Variants in COX4I2 observed in about 807,000 individuals in gnomAD.
COX4I2 encodes the protein cytochrome c oxidase subunit 4I2, also known as cytochrome c oxidase subunit 4 isoform 2, mitochondrial.
Under a neutral mutation model 20.8 loss-of-function variants are expected in COX4I2, and 15 were observed. The observed-to-expected ratio is 0.72, with a 90% CI of 0.48 to 1.11. COX4I2 has a LOEUF of 1.11. Ranked by LOEUF, COX4I2 falls within the 50% of genes most tolerant of loss-of-function variation. COX4I2 has a pLI of 0.00. For synonymous variants in COX4I2, 80 were observed against 78.1 expected (o/e 1.02, Z -0.13); for missense variants, 224 against 223.0 (o/e 1.00, Z -0.03).
intron 3 of COX4I2, among the ~76,000 whole-genome samples, chr20:31,642,148 A>G (rs2060471576): frequency 6.6e-6 from 1 of 151,794 alleles, no homozygotes; most frequent in East Asian, 2.0e-4. Context: ...CCATCATGCC[A>G]GGCCAAATGC....
intron 4 of COX4I2, among the ~76,000 whole-genome samples, chr20:31,643,999 CAG>C (rs1250101201): frequency 6.6e-6 from 1 of 152,128 alleles, no homozygotes; most frequent in Non-Finnish European, 1.5e-5. Context: ...TTAGTAGAGA[CAG>C]GGTTTCGCCA....
Position 31,644,795 on chromosome 20 carries a change from C to A in COX4I2, c.407C>A (p.Thr136Lys), listed in dbSNP as rs201685557. The A allele has an allele frequency of 7.1e-5, 114 of 1,613,982 alleles. No homozygotes were observed. The highest frequency in any genetic ancestry group is 9.4e-5 in the Non-Finnish European group (111 of 1,179,998). ...TTTCCTCCAAAGCCGATCACCTTGA[C>A]GGACGAGCGGAAAGCCCAGCAGCTG... ...YVFPPKPITL[T>K]DERKAQQLQR... Residue 136 changes from threonine to lysine, a missense_variant, in exon 5 of 5, where the codon ACG becomes AAG. Thr to Lys is a moderately conservative substitution (Grantham distance 78, BLOSUM62 -1). Coordinates refer to ENST00000376075, the MANE Select transcript of COX4I2 (RefSeq NM_032609.3).
rs751781798 is a variant in COX4I2 at position 31,640,017 on chromosome 20, A to C, written c.167A>C (p.Glu56Ala). ...ATGCCAGAAGAGCCCTTCTGCACAGAACTCAACGCTGAGGAGCAGGCCCTG... is the reference window on the plus strand; with the variant it reads ...ATGCCAGAAGAGCCCTTCTGCACAGCACTCAACGCTGAGGAGCAGGCCCTG... Reference protein sequence around the residue: ...YPMPEEPFCTELNAEEQALKE... With the variant: ...YPMPEEPFCTALNAEEQALKE... The change falls in exon 3 of 5, where the codon GAA (glutamate) becomes GCA (alanine). Residue 56 changes from glutamate (E) to alanine (A), a missense_variant. Transcript: ENST00000376075. 5.0e-5 allele frequency: 81 copies of C among 1,613,846 alleles called. No homozygotes were observed. The highest frequency in any genetic ancestry group is 6.6e-5 in the Non-Finnish European group (78 of 1,180,012).
intron 3 of COX4I2, among the ~76,000 whole-genome samples, chr20:31,642,860 G>A (rs1568833799): frequency 6.6e-6 from 1 of 152,130 alleles, no homozygotes; most frequent in Admixed American, 6.6e-5. Context: ...AGGATTACAG[G>A]CATGAGCCAC....
chr20:31,639,624 G>A (rs549897923), intron 2 of COX4I2, among the ~76,000 whole-genome samples: 3 of 148,954 alleles, frequency 2.0e-5, no homozygotes, highest in African/African-American at 7.5e-5. Context: ...GTGGCGCAAT[G>A]TCGGCTCACT....
At chr20:31,642,423 G>A (rs964507763) in intron 3 of COX4I2, among the ~76,000 whole-genome samples, 2 of 147,946 alleles carry the variant, frequency 1.4e-5, no homozygotes, top group Non-Finnish European at 3.0e-5. Flanking sequence ...GATTACACAC[G>A]TAGGGTAATT....
intron 2 of COX4I2, among the ~76,000 whole-genome samples, chr20:31,639,479 G>A (rs2060454061): frequency 1.3e-5 from 2 of 151,988 alleles, no homozygotes; most frequent in Admixed American, 1.3e-4. Context: ...GATAGCAGAA[G>A]GGCCTTGCTG....
At position 31,644,718 on chromosome 20, in the gene COX4I2, G is replaced by A. The variant is rs766542600; in HGVS notation, c.380-50G>A. The A allele has an allele frequency of 2.2e-5, 35 of 1,611,640 alleles. No individual in the cohort carries two copies. In the Middle Eastern group the frequency reaches 9.9e-4, roughly 46 times the overall value. Reference sequence around the variant, plus strand: ...TACAGGGTGGCTGGAGACCCTGGCTGGTGTAGGAAGACTGGCAGGATCCTG... The same window carrying A: ...TACAGGGTGGCTGGAGACCCTGGCTAGTGTAGGAAGACTGGCAGGATCCTG... On this transcript the variant is annotated intron_variant, in intron 4 of 4. Transcript: ENST00000376075.
At chr20:31,644,139 C>T (rs1287637616) in intron 4 of COX4I2, among the ~76,000 whole-genome samples, 1 of 152,188 alleles carries the variant, frequency 6.6e-6, no homozygotes, top group East Asian at 1.9e-4. Context: ...AAAGTGAACA[C>T]TCTTACCTAC....
intron 3 of COX4I2, 64 bp downstream of exon 3, chr20:31,640,161 C>A: frequency 6.6e-7 from 1 of 1,524,000 alleles, no homozygotes; most frequent in Non-Finnish European, 8.8e-7. Context: ...AAAGAATGGC[C>A]TGTCAGGGAT....
rs1388183111 is a variant in COX4I2 at position 31,644,793 on chromosome 20, G to T, written c.405G>T (p.Leu135Phe). The change falls in exon 5 of 5, where the codon TTG (leucine) becomes TTT (phenylalanine). Residue 135 changes from leucine to phenylalanine, a missense_variant. Leu to Phe is a conservative substitution (Grantham distance 22, BLOSUM62 0). Coordinates refer to ENST00000376075, the MANE Select transcript of COX4I2 (RefSeq NM_032609.3). The stretch of plus-strand genomic sequence containing the variant: ...TATTTCCTCCAAAGCCGATCACCTT[G>T]ACGGACGAGCGGAAAGCCCAGCAGC... ...VYVFPPKPIT[L>F]TDERKAQQLQ... The T allele has an allele frequency of 6.2e-7, 1 of 1,614,010 alleles. No homozygotes were observed. The highest frequency in any genetic ancestry group is 8.5e-7 in the Non-Finnish European group (1 of 1,180,030).
In COX4I2 at chr20:31,640,073, C is replaced by G; in HGVS notation, c.223C>G (p.Leu75Val). The part of the protein sequence containing the change: ...KEKEKGSWTQ[L>V]THAEKVALYR... ...GAAGGAGAAGGGAAGCTGGACCCAGCTGACCCACGCCGAAAAGGTGGCCTG... is the reference window on the plus strand; with the variant it reads ...GAAGGAGAAGGGAAGCTGGACCCAGGTGACCCACGCCGAAAAGGTGGCCTG... The change falls in exon 3 of 5, where the codon CTG becomes GTG. Residue 75 changes from leucine (L) to valine (V), a missense_variant. By Grantham distance (32) the Leu-to-Val change is conservative (BLOSUM62 1). Transcript: ENST00000376075. 6.2e-7 allele frequency: 1 copy of G among 1,612,202 alleles called. No homozygotes were observed.
chr20:31,644,935 C>T lies in COX4I2; in HGVS notation c.*31C>T, dbSNP rs181681154. The stretch of plus-strand genomic sequence containing the variant: ...ATCCCCAGCTGTCTCCCTGAGGCTC[C>T]GCCCTGGCTGGGAGCCTCTGGCGGC... On this transcript the variant is annotated 3_prime_UTR_variant, in exon 5 of 5. Transcript: ENST00000376075. 8.0e-4 allele frequency: 1,285 copies of T among 1,609,964 alleles called. 20 individuals carry two copies. The South Asian group carries it at 8.6e-3, about 11-fold the overall frequency.
intron 2 of COX4I2, among the ~76,000 whole-genome samples, chr20:31,639,565 T>C (rs904666462): frequency 4.0e-5 from 6 of 150,514 alleles, no homozygotes; most frequent in Admixed American, 1.3e-4. Flanking sequence ...CTCCTTTTTT[T>C]TTTTTTTTGA....
intron 3 of COX4I2, 101 bp downstream of exon 3, chr20:31,640,198 C>T: frequency 1.6e-6 from 2 of 1,280,578 alleles, no homozygotes; most frequent in African/African-American, 1.5e-5. Flanking sequence ...GCCCCCAAGA[C>T]AGCCAGAAAC....
In COX4I2 at chr20:31,639,044, G is replaced by T. The variant is rs2060451806; in HGVS notation, c.27G>T (p.Leu9Phe). Residue 9 changes from leucine to phenylalanine, a missense_variant, in exon 2 of 5, where the codon TTG (leucine) becomes TTT (phenylalanine). By Grantham distance (22) the Leu-to-Phe change is conservative. Transcript: ENST00000376075. ...TGCTCCCCAGAGCTGCCTGGAGCTT[G>T]GTGCTGAGGAAAGGTGGAGGTGGAA... The part of the protein sequence containing the change: MLPRAAWS[L>F]VLRKGGGGRR... The T allele has an allele frequency of 6.2e-7, 1 of 1,612,396 alleles. No homozygotes were observed. The highest frequency in any genetic ancestry group is 8.5e-7 in the Non-Finnish European group (1 of 1,179,450).
At position 31,644,873 on chromosome 20, in the gene COX4I2, G is replaced by T. The variant is rs775892036; in HGVS notation, c.485G>T (p.Trp162Leu). ...VNPVQGLASR[W>L]DYEKKQWKK is the part of the protein sequence containing the mutation. ...CCTGTGCAGGGCCTGGCCTCCCGCT[G>T]GGACTATGAGAAGAAGCAGTGGAAG... is the stretch of plus-strand genomic sequence containing the variant. Residue 162 changes from tryptophan (W) to leucine (L), a missense_variant, in exon 5 of 5, where the codon TGG (tryptophan) becomes TTG (leucine). Physicochemically the swap from Trp to Leu is moderately conservative, Grantham distance 61 (BLOSUM62 -2). Coordinates refer to ENST00000376075, the MANE Select transcript of COX4I2 (RefSeq NM_032609.3). The T allele has an allele frequency of 1.9e-6, 3 of 1,613,938 alleles. No individual in the cohort carries two copies. The Admixed American group carries it at 5.0e-5, about 27-fold the overall frequency.
intron 2 of COX4I2, among the ~76,000 whole-genome samples, chr20:31,639,719 G>A (rs552213227): frequency 5.3e-5 from 8 of 151,922 alleles, no homozygotes; most frequent in East Asian, 1.9e-4. Context: ...CACTGCGCCC[G>A]GCTAATTTTT....
rs6088864 is a variant in COX4I2, at chr20:31,640,354, G to A, written c.247+257G>A. 0.27 allele frequency among the ~76,000 whole-genome samples: 40,829 copies of A among 152,114 alleles called. 6,856 individuals are homozygous for A. The highest frequency in any genetic ancestry group is 0.47 in the African/African-American group (19,407 of 41,458). On this transcript the variant is annotated intron_variant, in intron 3 of 4. Transcript: ENST00000376075. ...CTGCCCCCATGGTGCCCCCGGTCCC[G>A]TGGGGAAAACCAATACAGACTCCAA...
Sources: gnomAD v4.1 joint callset for allele counts (sites outside exome capture counted in the v4.1 genomes callset) on GRCh38, gnomAD v4.1.1 for gene constraint, MANE v1.5 for transcripts, NCBI Gene and HGNC (gene_info 2026-07-23, HGNC 2026-07-21) for gene names.